The following ZBTB7A variants were observed in gnomAD, a reference collection of about 807,000 sequenced individuals.
ZBTB7A encodes the protein zinc finger and BTB domain containing 7A.
Under a neutral mutation model 26.7 loss-of-function variants are expected in ZBTB7A, and 7 were observed. That is an observed-to-expected ratio of 0.26 (90% CI 0.15 to 0.49). The LOEUF (loss-of-function observed/expected upper bound fraction) is 0.49, where lower values mean the gene tolerates loss of function less well. ZBTB7A is among the 20% of genes least tolerant of loss of function. ZBTB7A has a pLI of 0.98. For synonymous variants in ZBTB7A, 452 were observed against 441.0 expected (o/e 1.02, Z -0.31); for missense variants, 617 against 919.5 (o/e 0.67, Z 4.25).
At position 4,044,099 on chromosome 19, in the gene ZBTB7A, C is replaced by T. The variant is rs538727058; in HGVS notation, c.*3653G>A. On this transcript the variant is annotated 3_prime_UTR_variant, in exon 3 of 3. Coordinates refer to ENST00000322357, the MANE Select transcript of ZBTB7A (RefSeq NM_015898.4). Reference sequence around the variant, plus strand: ...ACCTGTGAGGTGACCGCTCCTGCCACGGCCCCGGGGTCTGAATCGTGCAAA... The same window carrying T: ...ACCTGTGAGGTGACCGCTCCTGCCATGGCCCCGGGGTCTGAATCGTGCAAA... 8.0e-4 allele frequency among the ~76,000 whole-genome samples: 121 copies of T among 152,160 alleles called. 1 individual carries two copies. The highest frequency in any genetic ancestry group is 2.9e-3 in the African/African-American group (120 of 41,542).
At chr19:4,057,480 G>A (rs867291968) in intron 1 of ZBTB7A, among the ~76,000 whole-genome samples, 3 of 152,232 alleles carry the variant, frequency 2.0e-5, no homozygotes, top group Admixed American at 6.5e-5. Flanking sequence ...GGGAGGCCAC[G>A]CAGTGACCTT....
At chr19:4,063,153 G>A (rs2145008838) in intron 1 of ZBTB7A, among the ~76,000 whole-genome samples, 1 of 152,296 alleles carries the variant, frequency 6.6e-6, no homozygotes, top group African/African-American at 2.4e-5. Context: ...TCTCTGCCAT[G>A]CCCTGAGCTG....
chr19:4,064,329 C>A (rs1010233831), intron 1 of ZBTB7A, among the ~76,000 whole-genome samples: 1 of 152,248 alleles, frequency 6.6e-6, no homozygotes, highest in East Asian at 1.9e-4. Flanking sequence ...GCTCCTGCCC[C>A]CCCTTCTCCC....
At position 4,048,446 on chromosome 19, in the gene ZBTB7A, A is replaced by G. The variant is rs1408476283; in HGVS notation, c.1263-202T>C. Among the ~76,000 whole-genome samples the G allele has an allele frequency of 6.6e-6, 1 of 152,144 alleles. No individual in the cohort carries two copies. Among genetic ancestry groups the G allele is most frequent in the African/African-American group, 2.4e-5 (1 of 41,430 alleles). On this transcript the variant is annotated intron_variant, in intron 2 of 2. Transcript: ENST00000322357. The surrounding 1 kb of genome is among the most constrained non-coding windows in gnomAD (Gnocchi z 6.7). Reference sequence around the variant, plus strand: ...GGCGATTTCGCATTCTGAACATCTAAAGAGGGCCTCGGACCCTGAGTGCTG... The same window carrying G: ...GGCGATTTCGCATTCTGAACATCTAGAGAGGGCCTCGGACCCTGAGTGCTG...
At chr19:4,058,427 C>T (rs571653141) in intron 1 of ZBTB7A, among the ~76,000 whole-genome samples, 41 of 136,232 alleles carry the variant, frequency 3.0e-4, no homozygotes, top group African/African-American at 8.8e-4. Context: ...CTGTCCCACC[C>T]CTTTCTCCCC....
In ZBTB7A at chr19:4,054,736, C is replaced by T; in HGVS notation, c.497G>A (p.Ser166Asn). The T allele has an allele frequency of 6.4e-7, 1 of 1,570,170 alleles. No homozygotes were observed. Among genetic ancestry groups the T allele is most frequent in the Non-Finnish European group, 8.6e-7 (1 of 1,157,376 alleles). The change falls in exon 2 of 3, where the codon AGC (serine) becomes AAC (asparagine). Residue 166 changes from serine to asparagine, a missense_variant. By Grantham distance (46) the Ser-to-Asn change is conservative. Around this residue, in one of 5 missense-constraint regions of ZBTB7A, gnomAD observed 331 missense variants for 391.3 expected, o/e 0.85. Coordinates refer to ENST00000322357, the MANE Select transcript of ZBTB7A (RefSeq NM_015898.4). ...GGGGGGCAGGCTGTTCATGGGGTTG[C>T]TCTGGAAGAACTCGAGGTACTCCTT... ...RAKEYLEFFQ[S>N]NPMNSLPPAA...
rs1255098584 is a variant in ZBTB7A, at chr19:4,047,016, AG to A, written c.*735del. The stretch of plus-strand genomic sequence containing the variant: ...GGAAGGCGGCAGGAGCACCCCCAGG[AG>A]CCATCCTGGCGCCCCACCGGGAACC... On this transcript the variant is annotated 3_prime_UTR_variant, in exon 3 of 3. Transcript: ENST00000322357. 6.6e-6 allele frequency: 1 copy of A among 151,194 alleles called. No homozygotes were observed. The highest frequency in any genetic ancestry group is 2.0e-4 in the East Asian group (1 of 5,112). The allele number at this position is 151,194 out of a possible 1,614,324, so 9.4% of individuals were successfully genotyped here.
chr19:4,054,511 G>A lies in ZBTB7A; in HGVS notation c.722C>T (p.Pro241Leu), dbSNP rs538445777. Residue 241 changes from proline to leucine, a missense_variant, in exon 2 of 3, where the codon CCG (proline) becomes CTG (leucine). Pro to Leu is a moderately conservative substitution (Grantham distance 98). Transcript: ENST00000322357. ...CTCATCCCGCTCTGGCCACAGACCC[G>A]GGTTGCTGTCGCCCTCGTCCCCGTC... ...TGDGDEGDSN[P>L]GLWPERDEDA... 8.4e-4 allele frequency: 1,206 copies of A among 1,427,964 alleles called. 1 individual carries two copies. Among genetic ancestry groups the A allele is most frequent in the Non-Finnish European group, 1.0e-3 (1,114 of 1,101,360 alleles). 88.5% of individuals were successfully genotyped at this position (1,427,964 alleles called of 1,614,324 possible). A position where few individuals can be genotyped will look rare whatever the true frequency, so the allele number is the denominator to read the frequency against.
At chr19:4,063,199 C>T (rs1195507613) in intron 1 of ZBTB7A, among the ~76,000 whole-genome samples, 1 of 152,176 alleles carries the variant, frequency 6.6e-6, no homozygotes, top group East Asian at 1.9e-4. Flanking sequence ...GAAAAGACAC[C>T]ACGGGTGGCT....
chr19:4,064,403 C>T (rs2040670027), intron 1 of ZBTB7A, among the ~76,000 whole-genome samples: 1 of 152,244 alleles, frequency 6.6e-6, no homozygotes, highest in African/African-American at 2.4e-5. Flanking sequence ...CCGATAGGTG[C>T]TCTCGGGGCC....
At chr19:4,057,510 C>A (rs972411204) in intron 1 of ZBTB7A, among the ~76,000 whole-genome samples, 1 of 152,140 alleles carries the variant, frequency 6.6e-6, no homozygotes, top group African/African-American at 2.4e-5. Flanking sequence ...CCTACTATGG[C>A]CAGACGCGGT....
intron 2 of ZBTB7A, among the ~76,000 whole-genome samples, chr19:4,050,827 G>A (rs899772710): frequency 6.6e-6 from 1 of 152,096 alleles, no homozygotes; most frequent in East Asian, 1.9e-4. Context: ...GGCCGGGCAT[G>A]GTGGCTCACA....
intron 1 of ZBTB7A, among the ~76,000 whole-genome samples, chr19:4,064,471 C>T (rs1416914199): frequency 1.3e-5 from 2 of 152,262 alleles, no homozygotes; most frequent in African/African-American, 4.8e-5. Context: ...CAGGCCCTGG[C>T]AGCAGCAGGG....
rs1211089609 is a variant in ZBTB7A at position 4,054,897 on chromosome 19, G to A, written c.336C>T (p.Arg112=). The A allele has an allele frequency of 3.1e-6, 5 of 1,607,406 alleles. No homozygotes were observed. The African/African-American group carries it at 6.7e-5, about 21-fold the overall frequency. Reference sequence around the variant, plus strand: ...GGCTCACGGCGGGGATCTCCAGCAGGCGGGCGGCGCTGAGGATGTCACCCA... The same window carrying A: ...GGCTCACGGCGGGGATCTCCAGCAGACGGGCGGCGCTGAGGATGTCACCCA... ...ANVGDILSAA[R]LLEIPAVSHV... The change falls in exon 2 of 3, where the codon CGC becomes CGT. Residue 112 remains arginine (R), a synonymous_variant. Transcript: ENST00000322357.
chr19:4,066,336 A>C (rs1221468201), intron 1 of ZBTB7A, among the ~76,000 whole-genome samples: 16 of 100,412 alleles, frequency 1.6e-4, no homozygotes, highest in Non-Finnish European at 1.9e-4. Context: ...CTATCTCCCC[A>C]CGCCGGCTCC....
intron 2 of ZBTB7A, among the ~76,000 whole-genome samples, chr19:4,051,978 C>T (rs148042723): frequency 1.8e-4 from 27 of 151,570 alleles, no homozygotes; most frequent in South Asian, 6.3e-4. Flanking sequence ...AGAGGGGCCT[C>T]GGGCTCCCAG....
At position 4,044,828 on chromosome 19, in the gene ZBTB7A, T is replaced by TG. The variant is rs1555691460; in HGVS notation, c.*2923_*2924insC. 3.3e-5 allele frequency: 5 copies of TG among 152,036 alleles called. No individual in the cohort carries two copies. The highest frequency in any genetic ancestry group is 7.2e-5 in the African/African-American group (3 of 41,382). 9.4% of individuals were successfully genotyped at this position (152,036 alleles called of 1,614,324 possible). A position where few individuals can be genotyped will look rare whatever the true frequency, so the allele number is the denominator to read the frequency against. On this transcript the variant is annotated 3_prime_UTR_variant, in exon 3 of 3. Coordinates refer to ENST00000322357, the MANE Select transcript of ZBTB7A (RefSeq NM_015898.4). The stretch of plus-strand genomic sequence containing the variant: ...ACGACCCTCCTCAAATATCATTTTT[T>TG]TTTGTTTGTTTGTTTCCTGAAACGC...
chr19:4,055,934 C>G (rs943959616), intron 1 of ZBTB7A, among the ~76,000 whole-genome samples: 15 of 152,326 alleles, frequency 9.8e-5, no homozygotes, highest in Admixed American at 7.8e-4. Context: ...AGACTGTTTT[C>G]CATCTGTGCA....
chr19:4,054,202 T>C lies in ZBTB7A; in HGVS notation c.1031A>G (p.Asp344Gly), dbSNP rs1182074576. 1 of 1,589,820 alleles carries C rather than the reference T, an allele frequency of 6.3e-7. No homozygotes were observed. Among genetic ancestry groups the C allele is most frequent in the African/African-American group, 1.3e-5 (1 of 74,620 alleles). ...AGDSDEESRADDKGVMDYYLK... is the reference protein window; with the variant it reads ...AGDSDEESRAGDKGVMDYYLK... Reference sequence around the variant, plus strand: ...GTAGTAGTCCATGACGCCCTTGTCGTCGGCCCGCGACTCCTCGTCGCTGTC... The same window carrying C: ...GTAGTAGTCCATGACGCCCTTGTCGCCGGCCCGCGACTCCTCGTCGCTGTC... The change falls in exon 2 of 3, where the codon GAC becomes GGC. Residue 344 changes from aspartate (D) to glycine (G), a missense_variant. Coordinates refer to ENST00000322357, the MANE Select transcript of ZBTB7A (RefSeq NM_015898.4).
Sources: allele counts gnomAD v4.1 joint callset (sites outside exome capture counted in the v4.1 genomes callset), GRCh38; gene constraint gnomAD v4.1.1; regional missense constraint gnomAD v4.1.1; non-coding constraint Gnocchi (gnomAD v3.1); transcripts MANE v1.5; gene names NCBI Gene and HGNC (gene_info 2026-07-23, HGNC 2026-07-21).